The following CLCA2 variants were observed in gnomAD, a reference collection of about 807,000 sequenced individuals.
The protein encoded by CLCA2 is calcium-activated chloride channel regulator 2.
In CLCA2, 85 loss-of-function variants were observed where a neutral mutation model predicts 82.9. That is an observed-to-expected ratio of 1.03 (90% CI 0.86 to 1.23). The LOEUF (loss-of-function observed/expected upper bound fraction) is 1.23. CLCA2 is among the 50% of genes most tolerant of loss of function. The pLI is 0.00. For synonymous variants in CLCA2, 421 were observed against 391.7 expected (o/e 1.07, Z -0.88); for missense variants, 1,089 against 1,124.8 (o/e 0.97, Z 0.45).
intron 10 of CLCA2, among the ~76,000 whole-genome samples, chr1:86,444,213 C>T (rs76121333): frequency 0.046 from 7,050 of 152,214 alleles, 228 homozygotes; most frequent in South Asian, 0.1. Flanking sequence ...ATATATTAGA[C>T]ACCAAATACT....
Position 86,425,365 on chromosome 1 carries a change from C to T in CLCA2, c.213C>T (p.Tyr71=). 1 of 1,559,002 alleles carries T rather than the reference C, an allele frequency of 6.4e-7. No individual in the cohort carries two copies. The highest frequency in any genetic ancestry group is 8.7e-7 in the Non-Finnish European group (1 of 1,154,612). The change falls in exon 2 of 14, where the codon TAC becomes TAT. Residue 71 remains tyrosine, a synonymous_variant. Coordinates refer to ENST00000370565, the MANE Select transcript of CLCA2 (RefSeq NM_006536.7). ...AAATGATAACTGAAGCTTCATTTTA[C>T]CTATTTAATGCTACCAAGAGAAGAG... ...IKEMITEASF[Y]LFNATKRRVF...
At position 86,442,753 on chromosome 1, in the gene CLCA2, G is replaced by A. The variant is rs114475412; in HGVS notation, c.1489-1034G>A. Reference sequence around the variant, plus strand: ...AGTTATTTAGAGACTTGTATCCATTGGAAATACGCAGTAATTAAATGCAGG... The same window carrying A: ...AGTTATTTAGAGACTTGTATCCATTAGAAATACGCAGTAATTAAATGCAGG... On this transcript the variant is annotated intron_variant, in intron 9 of 13. Transcript: ENST00000370565. Among the ~76,000 whole-genome samples, 506 of 152,296 alleles carry A rather than the reference G, an allele frequency of 3.3e-3. 1 individual carries two copies. The highest frequency in any genetic ancestry group is 0.011 in the African/African-American group (467 of 41,558).
At chr1:86,440,988 C>T (rs1324501611) in intron 8 of CLCA2, among the ~76,000 whole-genome samples, 1 of 152,108 alleles carries the variant, frequency 6.6e-6, no homozygotes, top group African/African-American at 2.4e-5. Flanking sequence ...CTAAATAAGG[C>T]ACAGAATAAT....
rs922161923 is a variant in CLCA2 at position 86,441,455 on chromosome 1, T to C, written c.1400T>C (p.Val467Ala). The part of the protein sequence containing the change: ...SRLTGGLKFF[V>A]PDISNSNSMI... ...ATTTCAGGAGGTTTAAAGTTCTTTGTTCCAGATATATCAAACTCCAATAGC... is the reference window on the plus strand; with the variant it reads ...ATTTCAGGAGGTTTAAAGTTCTTTGCTCCAGATATATCAAACTCCAATAGC... Residue 467 changes from valine (V) to alanine (A), a missense_variant, in exon 9 of 14, where the codon GTT (valine) becomes GCT (alanine). Physicochemically the swap from Val to Ala is moderately conservative, Grantham distance 64. Transcript: ENST00000370565. 3 of 1,606,414 alleles carry C rather than the reference T, an allele frequency of 1.9e-6. No individual in the cohort carries two copies. The African/African-American group carries it at 4.0e-5, about 21-fold the overall frequency.
chr1:86,425,566 T>C (rs745582468), intron 2 of CLCA2, 90 bp downstream of exon 2: 2 of 1,104,168 alleles, frequency 1.8e-6, no homozygotes, highest in Non-Finnish European at 2.4e-6. Flanking sequence ...AGAAGTTAAG[T>C]AAAAACAAAT....
intron 6 of CLCA2, among the ~76,000 whole-genome samples, chr1:86,437,199 A>G (rs566948584): frequency 2.0e-4 from 31 of 152,372 alleles, no homozygotes; most frequent in Non-Finnish European, 3.8e-4. Flanking sequence ...TTTCCTGCCA[A>G]CAACGTCATT....
chr1:86,440,114 A>C, intron 7 of CLCA2, 34 bp from the exon 8 acceptor site: 4 of 1,602,972 alleles, frequency 2.5e-6, no homozygotes, highest in African/African-American at 2.7e-5. Context: ...TTTGAACTAC[A>C]CTTCCTTCCA....
At chr1:86,450,783 T>A (rs753476281) in intron 12 of CLCA2, 50 bp downstream of exon 12, 16 of 1,478,046 alleles carry the variant, frequency 1.1e-5, no homozygotes, top group Non-Finnish European at 1.2e-5. Flanking sequence ...CATGTACATA[T>A]CTCTGATGGG....
chr1:86,432,902 C>T (rs1309808191), intron 5 of CLCA2, among the ~76,000 whole-genome samples: 3 of 152,158 alleles, frequency 2.0e-5, no homozygotes, highest in Non-Finnish European at 4.4e-5. Flanking sequence ...ATTTGAAATG[C>T]CTTTCCTCAA....
At chr1:86,435,138 A>C (rs1662582395) in intron 6 of CLCA2, among the ~76,000 whole-genome samples, 2 of 152,100 alleles carry the variant, frequency 1.3e-5, no homozygotes, top group African/African-American at 4.8e-5. Context: ...TAAGGGTGAG[A>C]GTTGGAGGAG....
At chr1:86,437,545 G>A (rs1662638412) in intron 6 of CLCA2, among the ~76,000 whole-genome samples, 1 of 152,204 alleles carries the variant, frequency 6.6e-6, no homozygotes, top group South Asian at 2.1e-4. Flanking sequence ...ACATTTGTGG[G>A]AAGAGAAAAG....
chr1:86,433,717 G>T (rs1240209659), intron 5 of CLCA2, among the ~76,000 whole-genome samples: 1 of 152,202 alleles, frequency 6.6e-6, no homozygotes, highest in Non-Finnish European at 1.5e-5. Flanking sequence ...AGAAACTCAT[G>T]TCCTTAAGCA....
chr1:86,426,141 A>T (rs957581337), intron 2 of CLCA2, among the ~76,000 whole-genome samples: 16 of 152,138 alleles, frequency 1.1e-4, no homozygotes, highest in Admixed American at 3.3e-4. Context: ...TAGTGTGCAC[A>T]CTATAAATAA....
chr1:86,429,604 G>A (rs1227408974), intron 3 of CLCA2, among the ~76,000 whole-genome samples: 2 of 152,154 alleles, frequency 1.3e-5, no homozygotes, highest in African/African-American at 4.8e-5. Context: ...CCTAGAGACT[G>A]GTATTTAGTG....
chr1:86,443,725 A>G lies in CLCA2; in HGVS notation c.1489-62A>G, dbSNP rs1011939070. 322 of 1,246,130 alleles carry G rather than the reference A, an allele frequency of 2.6e-4. 1 individual carries two copies. The highest frequency in any genetic ancestry group is 4.6e-4 in the South Asian group (32 of 69,314). The allele number at this position is 1,246,130 out of a possible 1,614,324, so 77.2% of individuals were successfully genotyped here. A position where few individuals can be genotyped will look rare whatever the true frequency, so the allele number is the denominator to read the frequency against. ...CCAATTAATTGTTGTTTGTTAAAAA[A>G]GAAAAAGATGGAATGATTATGCATA... On this transcript the variant is annotated intron_variant, in intron 9 of 13. Coordinates refer to ENST00000370565, the MANE Select transcript of CLCA2 (RefSeq NM_006536.7).
At chr1:86,452,957 G>A (rs1049013544) in intron 12 of CLCA2, among the ~76,000 whole-genome samples, 4 of 152,110 alleles carry the variant, frequency 2.6e-5, no homozygotes, top group African/African-American at 7.2e-5. Flanking sequence ...GGCGGATCAC[G>A]AGGACAGGAG....
rs573730385 is a variant in CLCA2 at position 86,454,224 on chromosome 1, T to C, written c.2389+622T>C. Among the ~76,000 whole-genome samples the C allele has an allele frequency of 1.1e-4, 17 of 152,334 alleles. No homozygotes were observed. In the South Asian group the frequency reaches 2.3e-3, roughly 20 times the overall value. ...TTCCACAACACCACTTATTCAGAAATTGTATTTTTCCCCCATTAATTTGAA... is the reference window on the plus strand; with the variant it reads ...TTCCACAACACCACTTATTCAGAAACTGTATTTTTCCCCCATTAATTTGAA... On this transcript the variant is annotated intron_variant, in intron 13 of 13. Coordinates refer to ENST00000370565, the MANE Select transcript of CLCA2 (RefSeq NM_006536.7).
chr1:86,428,815 A>C (rs1662440583), intron 3 of CLCA2, among the ~76,000 whole-genome samples: 1 of 152,188 alleles, frequency 6.6e-6, no homozygotes, highest in Non-Finnish European at 1.5e-5. Flanking sequence ...ATTTAGAGTC[A>C]AGGGTGGTCA....
rs11161830 is a variant in CLCA2 at position 86,438,905 on chromosome 1, C to T, written c.1002C>T (p.Ala334=). The change falls in exon 7 of 14, where the codon GCC becomes GCT. Residue 334 remains alanine (A), a synonymous_variant. Transcript: ENST00000370565. Reference sequence around the variant, plus strand: ...ACAGACTCCTTCAACTACAACAAGCCGCAGAATTTTATTTGATGCAGATTG... The same window carrying T: ...ACAGACTCCTTCAACTACAACAAGCTGCAGAATTTTATTTGATGCAGATTG... ...EADRLLQLQQ[A]AEFYLMQIVE... The T allele has an allele frequency of 0.08, 128,696 of 1,613,652 alleles. 5,831 individuals carry two copies. Among genetic ancestry groups the T allele is most frequent in the African/African-American group, 0.17 (12,414 of 74,920 alleles).
Sources: allele counts gnomAD v4.1 joint callset (sites outside exome capture counted in the v4.1 genomes callset), GRCh38; gene constraint gnomAD v4.1.1; transcripts MANE v1.5; gene names NCBI Gene and HGNC (gene_info 2026-07-23, HGNC 2026-07-21).